Variants in EHMT2 observed in about 807,000 individuals in gnomAD.
The protein encoded by EHMT2 is histone-lysine N-methyltransferase EHMT2.
In EHMT2, 59 loss-of-function variants were observed where a neutral mutation model predicts 143.3. The ratio of observed to expected loss-of-function variants is 0.41; its 90% CI spans 0.33 to 0.51. The LOEUF is 0.51. EHMT2 is among the 20% of genes least tolerant of loss of function. The pLI is 0.18. For missense variants in EHMT2, 1,174 were observed against 1,645.9 expected, an observed-to-expected ratio of 0.71 and a Z score of 4.96; for synonymous variants, 604 against 651.5, an observed-to-expected ratio of 0.93 and a Z score of 1.11.
rs1317199834 is a variant in EHMT2, at chr6:31,881,348, C to T, written c.3198-256G>A. ...GGGATTAATGTGTAGGGGCAGTTGG[C>T]CTGGGTGGGGAAGTTCGGGTTTGGA... On this transcript the variant is annotated intron_variant, in intron 25 of 27. Coordinates refer to ENST00000375537, the Ensembl canonical transcript of EHMT2. This position sits in a 1 kb window ranked among gnomAD's most constrained non-coding sequence, Gnocchi z 4.8. 2 of 579,250 alleles carry T rather than the reference C, an allele frequency of 3.5e-6. No individual in the cohort carries two copies. Among genetic ancestry groups the T allele is most frequent in the Non-Finnish European group, 6.2e-6 (2 of 323,728 alleles). The allele number at this position is 579,250 out of a possible 1,614,324, so 35.9% of individuals were successfully genotyped here. A position where few individuals can be genotyped will look rare whatever the true frequency, so the allele number is the denominator to read the frequency against.
In EHMT2 at chr6:31,888,949, T is replaced by G. The variant is rs1256012387; in HGVS notation, c.1216+20A>C. 2.5e-6 allele frequency: 4 copies of G among 1,585,508 alleles called. No homozygotes were observed. The African/African-American group carries it at 5.4e-5, about 21-fold the overall frequency. ...GAGGTCGCCCCCTAGTGGCTCCCTG[T>G]CCCGGCAATTGGCAATTACCAGCGT... On this transcript the variant is annotated intron_variant, in intron 10 of 27. Transcript: ENST00000375537. The surrounding 1 kb of genome is among the most constrained non-coding windows in gnomAD (Gnocchi z 7.4).
exon 28 of EHMT2, chr6:31,879,978 G>A: frequency 7.9e-7 from 1 of 1,273,078 alleles, no homozygotes; most frequent in Non-Finnish European, 1.1e-6. Context: ...GGGTGGTGGG[G>A]AGAGAAGATG....
In EHMT2 at chr6:31,881,478, G is replaced by A. The variant is rs1764103255; in HGVS notation, c.3198-386C>T. 3.1e-6 allele frequency: 1 copy of A among 319,306 alleles called. No homozygotes were observed. Among genetic ancestry groups the A allele is most frequent in the South Asian group, 3.8e-5 (1 of 26,156 alleles). The allele number at this position is 319,306 out of a possible 1,614,324, so 19.8% of individuals were successfully genotyped here. Reference sequence around the variant, plus strand: ...GAGCCAGAGGTACAGGAGTGGCAAGGAACTCAAGGCATGATTCGGGGCAAG... The same window carrying A: ...GAGCCAGAGGTACAGGAGTGGCAAGAAACTCAAGGCATGATTCGGGGCAAG... On this transcript the variant is annotated intron_variant, in intron 25 of 27. Transcript: ENST00000375537. This position sits in a 1 kb window ranked among gnomAD's most constrained non-coding sequence, Gnocchi z 4.8.
chr6:31,884,508 G>A lies in EHMT2; in HGVS notation c.2655C>T (p.Asp885=). The change falls in exon 21 of 28, where the codon GAC becomes GAT. Residue 885 remains aspartate (D), a synonymous_variant. Coordinates refer to ENST00000375537, the Ensembl canonical transcript of EHMT2. This position sits in a 1 kb window ranked among gnomAD's most constrained non-coding sequence, Gnocchi z 7.3. Reference sequence around the variant, plus strand: ...GCTCGGGAGTCAGGTCCCATGCTGTGTCCCCCTCTTTGTTCCGCAGCTCAG... The same window carrying A: ...GCTCGGGAGTCAGGTCCCATGCTGTATCCCCCTCTTTGTTCCGCAGCTCAG... The A allele has an allele frequency of 2.5e-6, 4 of 1,612,952 alleles. No homozygotes were observed. Among genetic ancestry groups the A allele is most frequent in the Non-Finnish European group, 3.4e-6 (4 of 1,180,010 alleles).
At position 31,884,508 on chromosome 6, in the gene EHMT2, G is replaced by C; in HGVS notation, c.2655C>G (p.Asp885Glu). 1 of 1,612,952 alleles carries C rather than the reference G, an allele frequency of 6.2e-7. No homozygotes were observed. Among genetic ancestry groups the C allele is most frequent in the Non-Finnish European group, 8.5e-7 (1 of 1,180,010 alleles). The change falls in exon 21 of 28, where the codon GAC becomes GAG. Residue 885 changes from aspartate to glutamate, a missense_variant. Transcript: ENST00000375537. This position sits in a 1 kb window ranked among gnomAD's most constrained non-coding sequence, Gnocchi z 7.3. ...GCTCGGGAGTCAGGTCCCATGCTGT[G>C]TCCCCCTCTTTGTTCCGCAGCTCAG...
At chr6:31,886,747 G>A in intron 17 of EHMT2, 28 bp downstream of exon 17, 5 of 1,614,066 alleles carry the variant, frequency 3.1e-6, no homozygotes, top group Admixed American at 1.7e-5. Flanking sequence ...TGACTCCGGG[G>A]GCCACGCCCT....
At chr6:31,896,661 A>G (rs990304732) in exon 3 of EHMT2, 1 of 1,599,682 alleles carries the variant, frequency 6.3e-7, no homozygotes, top group Non-Finnish European at 8.5e-7. Context: ...TCTCAGATTC[A>G]TCCCCAATGA....
At chr6:31,886,451 GAAGA>G (rs1201561935) in intron 18 of EHMT2, 126 bp downstream of exon 18, 2 of 691,312 alleles carry the variant, frequency 2.9e-6, no homozygotes, top group Non-Finnish European at 4.9e-6. Context: ...AAATGAGGAA[GAAGA>G]AAGCAATGAG....
exon 3 of EHMT2, chr6:31,896,737 G>A (rs1300389659): frequency 3.1e-6 from 5 of 1,612,912 alleles, no homozygotes; most frequent in Non-Finnish European, 3.4e-6. Context: ...AGAGGCTGGA[G>A]ATGAGGGGCC....
intron 4 of EHMT2, chr6:31,893,336 T>A (rs1562511977): frequency 2.3e-6 from 1 of 443,354 alleles, no homozygotes; most frequent in Non-Finnish European, 4.5e-6. Context: ...ATACTTTTTT[T>A]AAGAGATAAG....
chr6:31,889,015 C>A lies in EHMT2; in HGVS notation c.1170G>T (p.Gly390=). The A allele has an allele frequency of 1.9e-6, 3 of 1,602,180 alleles. No homozygotes were observed. Among genetic ancestry groups the A allele is most frequent in the Non-Finnish European group, 2.6e-6 (3 of 1,176,462 alleles). ...TCCCCTCGCTGGGCAGCTCCAGGGA[C>A]CCCAGAGGGACCTCCATGTACTCAC... is the stretch of plus-strand genomic sequence containing the variant. Residue 390 remains glycine (G), a synonymous_variant, in exon 10 of 28, where the codon GGG becomes GGT. Transcript: ENST00000375537. The surrounding 1 kb of genome is among the most constrained non-coding windows in gnomAD (Gnocchi z 5.1).
At chr6:31,897,652 G>C in exon 1 of EHMT2, 1 of 1,166,434 alleles carries the variant, frequency 8.6e-7, no homozygotes, top group Non-Finnish European at 1.1e-6. Context: ...GGCCGCCGCC[G>C]CTGCAGCTCC....
rs764931217 is a variant in EHMT2 at position 31,880,861 on chromosome 6, G to A, written c.3277-13C>T. The A allele has an allele frequency of 2.5e-6, 4 of 1,613,244 alleles. No homozygotes were observed. Among genetic ancestry groups the A allele is most frequent in the Non-Finnish European group, 3.4e-6 (4 of 1,179,818 alleles). ...ACACCTCTCCATCCTGGGGCAGGGG[G>A]ATGGCACTCTTCACATCTCCCCCGA... is the stretch of plus-strand genomic sequence containing the variant. On this transcript the variant is annotated splice_polypyrimidine_tract_variant and intron_variant, in intron 26 of 27. Coordinates refer to ENST00000375537, the Ensembl canonical transcript of EHMT2. This position sits in a 1 kb window ranked among gnomAD's most constrained non-coding sequence, Gnocchi z 6.6.
Position 31,884,664 on chromosome 6 carries a change from T to C in EHMT2, c.2584A>G (p.Ser862Gly). ...GCTCACAGCACGCAGTCATGGTAGC[T>C]CTCCCGAGCTGCGATGTGCAGGGGG... is the stretch of plus-strand genomic sequence containing the variant. The change falls in exon 20 of 28, where the codon AGC becomes GGC. Residue 862 changes from serine to glycine, a missense_variant. By Grantham distance (56) the Ser-to-Gly change is moderately conservative (BLOSUM62 0). Transcript: ENST00000375537. The surrounding 1 kb of genome is among the most constrained non-coding windows in gnomAD (Gnocchi z 7.3). 1 of 1,580,636 alleles carries C rather than the reference T, an allele frequency of 6.3e-7. No homozygotes were observed. Among genetic ancestry groups the C allele is most frequent in the Non-Finnish European group, 8.6e-7 (1 of 1,159,950 alleles).
At chr6:31,892,726 T>G (rs1266265494) in exon 6 of EHMT2, 1 of 1,612,974 alleles carries the variant, frequency 6.2e-7, no homozygotes, top group Non-Finnish European at 8.5e-7. Flanking sequence ...TTCCTCCTTT[T>G]GGCCAGATCT....
In EHMT2 at chr6:31,883,273, G is replaced by A; in HGVS notation, c.2994+89C>T. On this transcript the variant is annotated intron_variant, in intron 23 of 27. Transcript: ENST00000375537. The surrounding 1 kb of genome is among the most constrained non-coding windows in gnomAD (Gnocchi z 5.6). Reference sequence around the variant, plus strand: ...ACTTCCCCCACAGGGTAGGAGGTGAGGGACATGGTCCCAGGGAGCTGGTTT... The same window carrying A: ...ACTTCCCCCACAGGGTAGGAGGTGAAGGACATGGTCCCAGGGAGCTGGTTT... The A allele has an allele frequency of 7.4e-7, 1 of 1,352,376 alleles. No homozygotes were observed. The highest frequency in any genetic ancestry group is 1.0e-6 in the Non-Finnish European group (1 of 959,340). 83.8% of individuals were successfully genotyped at this position (1,352,376 alleles called of 1,614,324 possible).
rs978801458 is a variant in EHMT2 at position 31,880,423 on chromosome 6, T to C, written c.3453-159A>G. 1.1e-6 allele frequency: 1 copy of C among 912,514 alleles called. No individual in the cohort carries two copies. The allele number at this position is 912,514 out of a possible 1,614,324, so 56.5% of individuals were successfully genotyped here. A position where few individuals can be genotyped will look rare whatever the true frequency, so the allele number is the denominator to read the frequency against. On this transcript the variant is annotated intron_variant, in intron 27 of 27. Transcript: ENST00000375537. This position sits in a 1 kb window ranked among gnomAD's most constrained non-coding sequence, Gnocchi z 6.6. ...TTGTATGTTCTATGGACTTTCAGCA[T>C]CAGCATTGCCTGGGGACTTTTTAGA...
At chr6:31,894,265 G>T (rs1360570816) in intron 4 of EHMT2, among the ~76,000 whole-genome samples, 1 of 152,046 alleles carries the variant, frequency 6.6e-6, no homozygotes, top group Admixed American at 6.6e-5. Flanking sequence ...TCCTGCCTCA[G>T]CCTCCCAAGT....
rs72842432 is a variant in EHMT2 at position 31,884,630 on chromosome 6, G to A, written c.2603+15C>T. The A allele has an allele frequency of 4.7e-4, 751 of 1,594,530 alleles. No individual in the cohort carries two copies. Among genetic ancestry groups the A allele is most frequent in the Non-Finnish European group, 6.1e-4 (709 of 1,168,112 alleles). On this transcript the variant is annotated intron_variant, in intron 20 of 27. Coordinates refer to ENST00000375537, the Ensembl canonical transcript of EHMT2. This position sits in a 1 kb window ranked among gnomAD's most constrained non-coding sequence, Gnocchi z 7.3. ...AAGTGGGGGCAGGGGCATCAAGGGC[G>A]GGGCAGGGGCTCACAGCACGCAGTC...
Sources: allele counts gnomAD v4.1 joint callset (sites outside exome capture counted in the v4.1 genomes callset), GRCh38; gene constraint gnomAD v4.1.1; non-coding constraint Gnocchi (gnomAD v3.1); transcripts MANE v1.5; gene names NCBI Gene and HGNC (gene_info 2026-07-23, HGNC 2026-07-21).